The following SPTA1 variants were observed in gnomAD, a reference collection of about 807,000 sequenced individuals.
SPTA1 encodes spectrin alpha, erythrocytic 1.
In SPTA1, 177 loss-of-function variants were observed where a neutral mutation model predicts 324.7. That is an observed-to-expected ratio of 0.55 (90% CI 0.48 to 0.62). The LOEUF (loss-of-function observed/expected upper bound fraction) is 0.62, where lower values mean the gene tolerates loss of function less well. SPTA1 is among the 20% of genes least tolerant of loss of function. The pLI is 0.00. For missense variants in SPTA1, 3,162 were observed against 2,883.6 expected (o/e 1.10, Z -2.21); for synonymous variants, 1,195 against 1,041.3 (o/e 1.15, Z -2.84).
Position 158,668,079 on chromosome 1 carries a change from A to G in SPTA1, c.1834-17T>C, listed in dbSNP as rs1362664008. 2 of 1,087,308 alleles carry G rather than the reference A, an allele frequency of 1.8e-6. No homozygotes were observed. Among genetic ancestry groups the G allele is most frequent in the Admixed American group, 3.3e-5 (1 of 30,136 alleles). The allele number at this position is 1,087,308 out of a possible 1,614,324, so 67.4% of individuals were successfully genotyped here. A position where few individuals can be genotyped will look rare whatever the true frequency, so the allele number is the denominator to read the frequency against. On this transcript the variant is annotated splice_polypyrimidine_tract_variant and intron_variant, in intron 14 of 51. Coordinates refer to ENST00000643759, the MANE Select transcript of SPTA1 (RefSeq NM_003126.4). Reference sequence around the variant, plus strand: ...CTGTATGTCCTGAGATAAGATGAAAAAAAAAAAAAAAACCATTACCTGAAG... The same window carrying G: ...CTGTATGTCCTGAGATAAGATGAAAGAAAAAAAAAAAACCATTACCTGAAG...
intron 39 of SPTA1, among the ~76,000 whole-genome samples, chr1:158,632,651 C>A (rs1650765360): frequency 6.6e-6 from 1 of 151,832 alleles, no homozygotes; most frequent in African/African-American, 2.4e-5. Flanking sequence ...AAAGTAGTGA[C>A]AACACAGAAT....
intron 39 of SPTA1, among the ~76,000 whole-genome samples, chr1:158,630,646 A>G (rs1650608749): frequency 6.6e-6 from 1 of 152,044 alleles, no homozygotes; most frequent in African/African-American, 2.4e-5. Flanking sequence ...AAATGGGAGT[A>G]TATAAAGCTA....
At position 158,640,005 on chromosome 1, in the gene SPTA1, C is replaced by T. The variant is rs1651422336; in HGVS notation, c.4740G>A (p.Glu1580=). Residue 1580 remains glutamate, a splice_region_variant and synonymous_variant, in exon 34 of 52, where the codon GAG becomes GAA. Coordinates refer to ENST00000643759, the MANE Select transcript of SPTA1 (RefSeq NM_003126.4). ...AATGTTCCTTCAGCTGTTCCAGTTGCTCCTAACCCAAGGAGAGTGAGGAGT... is the reference window on the plus strand; with the variant it reads ...AATGTTCCTTCAGCTGTTCCAGTTGTTCCTAACCCAAGGAGAGTGAGGAGT... ...ACDGNEEAMK[E]QLEQLKEHWD... 3 of 1,613,786 alleles carry T rather than the reference C, an allele frequency of 1.9e-6. No individual in the cohort carries two copies. In the East Asian group the frequency reaches 6.7e-5, roughly 36 times the overall value.
chr1:158,674,014 G>A (rs893690461), intron 10 of SPTA1, among the ~76,000 whole-genome samples: 15 of 152,054 alleles, frequency 9.9e-5, no homozygotes, highest in Non-Finnish European at 1.8e-4. Flanking sequence ...CATTTACATT[G>A]TATGAAGTAT....
At chr1:158,629,331 T>C (rs1021140986) in intron 39 of SPTA1, among the ~76,000 whole-genome samples, 6 of 151,882 alleles carry the variant, frequency 4.0e-5, no homozygotes, top group African/African-American at 1.4e-4. Flanking sequence ...AAAATGATTA[T>C]ATACCACAAA....
chr1:158,624,455 T>C (rs1329871992), intron 42 of SPTA1, among the ~76,000 whole-genome samples: 1 of 152,238 alleles, frequency 6.6e-6, no homozygotes, highest in Non-Finnish European at 1.5e-5. Flanking sequence ...GAGATCATTT[T>C]GGAACTTTAA....
In SPTA1 at chr1:158,615,249, A is replaced by G. The variant is rs769622301; in HGVS notation, c.6755T>C (p.Met2252Thr). 6.2e-7 allele frequency: 1 copy of G among 1,613,662 alleles called. No homozygotes were observed. The highest frequency in any genetic ancestry group is 8.5e-7 in the Non-Finnish European group (1 of 1,180,006). ...GATCTGTTGCTCCAGGTTGTGTTGC[A>G]TCCGCAACCCAAGCTGGTAGAGCTG... ...WDQLYQLGLR[M>T]QHNLEQQIQA... The change falls in exon 48 of 52, where the codon ATG becomes ACG. Residue 2252 changes from methionine (M) to threonine (T), a missense_variant. Physicochemically the swap from Met to Thr is moderately conservative, Grantham distance 81. Coordinates refer to ENST00000643759, the MANE Select transcript of SPTA1 (RefSeq NM_003126.4).
chr1:158,636,801 C>T, intron 36 of SPTA1, 40 bp from the exon 37 acceptor site: 4 of 1,612,298 alleles, frequency 2.5e-6, no homozygotes, highest in South Asian at 1.1e-5. Flanking sequence ...GGAGTCTAGA[C>T]ATCTAATGTC....
chr1:158,670,382 A>C (rs1336122832), intron 12 of SPTA1, among the ~76,000 whole-genome samples: 6 of 152,246 alleles, frequency 3.9e-5, no homozygotes, highest in Non-Finnish European at 8.8e-5. Context: ...TATAAACAAT[A>C]AATTATTTTA....
At chr1:158,628,697 A>T (rs1394086364) in intron 39 of SPTA1, among the ~76,000 whole-genome samples, 2 of 152,178 alleles carry the variant, frequency 1.3e-5, no homozygotes, top group Admixed American at 1.3e-4. Flanking sequence ...TATCTTTAAC[A>T]TCTTCACCTT....
chr1:158,683,544 T>C, intron 2 of SPTA1, 48 bp from the exon 3 acceptor site: 1 of 1,610,128 alleles, frequency 6.2e-7, no homozygotes, highest in South Asian at 1.1e-5. Flanking sequence ...ACAGTCTTCA[T>C]GGGAAATGTT....
At position 158,626,198 on chromosome 1, in the gene SPTA1, G is replaced by C; in HGVS notation, c.5858C>G (p.Thr1953Ser). 1 of 1,613,656 alleles carries C rather than the reference G, an allele frequency of 6.2e-7. No individual in the cohort carries two copies. The highest frequency in any genetic ancestry group is 8.5e-7 in the Non-Finnish European group (1 of 1,179,656). The change falls in exon 42 of 52, where the codon ACC becomes AGC. Residue 1953 changes from threonine (T) to serine (S), a missense_variant. Coordinates refer to ENST00000643759, the MANE Select transcript of SPTA1 (RefSeq NM_003126.4). ...WIADKETSLK[T>S]NGNGADLGDF... ...ACCAAGGTCTGCACCATTGCCATTG[G>C]TCTTTAGGCTTGTTTCCTTATCAGC...
Position 158,671,343 on chromosome 1 carries a change from T to G in SPTA1, c.1599A>C (p.Ile533=). ...GCCCAAACTAGGGCCAATTTCTTAC[T>G]ATGATCTTCTCTTCCTGGGCAGTAA... ...EAFTAQEEKI[I]TVDKTATKLI... is the part of the protein sequence containing the mutation. Residue 533 remains isoleucine, a splice_region_variant and synonymous_variant, in exon 12 of 52, where the codon ATA becomes ATC. Transcript: ENST00000643759. 1 of 1,613,170 alleles carries G rather than the reference T, an allele frequency of 6.2e-7. No homozygotes were observed. Among genetic ancestry groups the G allele is most frequent in the East Asian group, 2.2e-5 (1 of 44,848 alleles).
chr1:158,617,402 T>C (rs1371738345), intron 47 of SPTA1, 135 bp downstream of exon 47: 3 of 723,484 alleles, frequency 4.1e-6, no homozygotes, highest in Non-Finnish European at 7.5e-6. Flanking sequence ...ATATTCATGA[T>C]GTGATGGCCT....
chr1:158,611,166 C>A lies in SPTA1; in HGVS notation c.*98G>T, dbSNP rs568682203. 1.4e-5 allele frequency: 20 copies of A among 1,387,710 alleles called. No homozygotes were observed. Among genetic ancestry groups the A allele is most frequent in the Non-Finnish European group, 1.6e-5 (16 of 989,748 alleles). The allele number at this position is 1,387,710 out of a possible 1,614,324, so 86.0% of individuals were successfully genotyped here. On this transcript the variant is annotated 3_prime_UTR_variant, in exon 52 of 52. Coordinates refer to ENST00000643759, the MANE Select transcript of SPTA1 (RefSeq NM_003126.4). ...ACACACACACACACACACACACACACGAGGCCATCTTTATCTTCCACATTT... is the reference window on the plus strand; with the variant it reads ...ACACACACACACACACACACACACAAGAGGCCATCTTTATCTTCCACATTT...
intron 16 of SPTA1, among the ~76,000 whole-genome samples, chr1:158,665,396 A>G (rs1183612711): frequency 6.6e-6 from 1 of 151,506 alleles, no homozygotes; most frequent in African/African-American, 2.4e-5. Context: ...CATTTAACTC[A>G]GAGTGACCAT....
chr1:158,656,238 G>T (rs896596112), intron 20 of SPTA1, among the ~76,000 whole-genome samples: 1 of 151,806 alleles, frequency 6.6e-6, no homozygotes, highest in Admixed American at 6.6e-5. Flanking sequence ...ACAAAAGAAG[G>T]GAGTAAAGAA....
At position 158,669,488 on chromosome 1, in the gene SPTA1, G is replaced by T. The variant is rs368469337; in HGVS notation, c.1753C>A (p.Gln585Lys). The T allele has an allele frequency of 1.4e-5, 23 of 1,613,984 alleles. No individual in the cohort carries two copies. Among genetic ancestry groups the T allele is most frequent in the Non-Finnish European group, 1.9e-5 (22 of 1,180,016 alleles). ...TCATCTGAGTCCTCATACAGTTTTTGCAGAAGCAATGACTCCTTCAGCAAT... is the reference window on the plus strand; with the variant it reads ...TCATCTGAGTCCTCATACAGTTTTTTCAGAAGCAATGACTCCTTCAGCAAT... ...RRLLKESLLL[Q>K]KLYEDSDDLK... Residue 585 changes from glutamine to lysine, a missense_variant, in exon 14 of 52, where the codon CAA becomes AAA. Gln to Lys is a moderately conservative substitution (Grantham distance 53, BLOSUM62 1). Coordinates refer to ENST00000643759, the MANE Select transcript of SPTA1 (RefSeq NM_003126.4).
At chr1:158,644,525 CAT>C in intron 29 of SPTA1, 129 bp from the exon 30 acceptor site, 1 of 1,073,606 alleles carries the variant, frequency 9.3e-7, no homozygotes, top group South Asian at 1.3e-5. Flanking sequence ...AAGAAACACT[CAT>C]GTGACAAATC....
Sources: allele counts gnomAD v4.1 joint callset (sites outside exome capture counted in the v4.1 genomes callset), GRCh38; gene constraint gnomAD v4.1.1; transcripts MANE v1.5; gene names NCBI Gene and HGNC (gene_info 2026-07-23, HGNC 2026-07-21).